Variants in SYCP2 observed in about 807,000 individuals in gnomAD.
The protein encoded by SYCP2 is synaptonemal complex protein 2.
SYCP2 carries 55 observed loss-of-function variants against 211.3 expected under a neutral mutation model. The ratio of observed to expected loss-of-function variants is 0.26; its 90% CI spans 0.21 to 0.33. The LOEUF is 0.33. Ranked by LOEUF, SYCP2 falls within the 10% of genes least tolerant of loss-of-function variation. The pLI is 1.00. For missense variants in SYCP2, 1,731 were observed against 1,752.0 expected (o/e 0.99, Z 0.21); for synonymous variants, 570 against 555.2 (o/e 1.03, Z -0.37).
intron 2 of SYCP2, among the ~76,000 whole-genome samples, chr20:59,928,277 T>C (rs534767161): frequency 6.6e-6 from 1 of 152,244 alleles, no homozygotes; most frequent in Admixed American, 6.5e-5. Flanking sequence ...TTTTTTAATA[T>C]AAATAACTAA....
Position 59,896,474 on chromosome 20 carries a change from C to T in SYCP2, c.1459G>A (p.Ala487Thr). ...GGACTTCTCATAGTGTATCTATCTG[C>T]ACCAGAAACAATCATTGATGCTTCA... The part of the protein sequence containing the change: ...MSEASMIVSG[A>T]DRYTMRSPVL... The change falls in exon 19 of 45, where the codon GCA becomes ACA. Residue 487 changes from alanine to threonine, a missense_variant. Physicochemically the swap from Ala to Thr is moderately conservative, Grantham distance 58. Transcript: ENST00000357552. 2 of 1,610,662 alleles carry T rather than the reference C, an allele frequency of 1.2e-6. No homozygotes were observed. The highest frequency in any genetic ancestry group is 8.5e-7 in the Non-Finnish European group (1 of 1,177,900).
chr20:59,865,639 C>T lies in SYCP2; in HGVS notation c.4392G>A (p.Leu1464=), dbSNP rs754297639. Residue 1464 remains leucine (L), a synonymous_variant, in exon 43 of 45, where the codon TTG becomes TTA. Transcript: ENST00000357552. The part of the protein sequence containing the change: ...QKSEQQRLHL[L]KTSLAKSVFC... ...AGACACTTTTAGCCAATGAAGTTTT[C>T]AAAAGATGAAGCCTAAGAAGTAAAA... 5.6e-6 allele frequency: 9 copies of T among 1,597,238 alleles called. 1 individual carries two copies. The highest frequency in any genetic ancestry group is 5.1e-6 in the Non-Finnish European group (6 of 1,173,582).
chr20:59,888,459 A>T (rs1485091793), intron 24 of SYCP2, among the ~76,000 whole-genome samples: 1 of 152,048 alleles, frequency 6.6e-6, no homozygotes, highest in Non-Finnish European at 1.5e-5. Flanking sequence ...GATTCACGAT[A>T]AAAAACCCTT....
At chr20:59,926,241 G>T (rs957265452) in intron 2 of SYCP2, among the ~76,000 whole-genome samples, 1 of 151,990 alleles carries the variant, frequency 6.6e-6, no homozygotes, top group Non-Finnish European at 1.5e-5. Flanking sequence ...TAATTTCCTA[G>T]GGTTGCCTTA....
rs186664081 is a variant in SYCP2, at chr20:59,929,668, A to G, written c.-47+2394T>C. Among the ~76,000 whole-genome samples, 62 of 151,322 alleles carry G rather than the reference A, an allele frequency of 4.1e-4. 1 individual carries two copies. The highest frequency in any genetic ancestry group is 2.5e-3 in the South Asian group (12 of 4,806). Reference sequence around the variant, plus strand: ...TAGAAATTCTTTATGTAAAATCTAAAGTATACTTAATAAAGGCTTATATGC... The same window carrying G: ...TAGAAATTCTTTATGTAAAATCTAAGGTATACTTAATAAAGGCTTATATGC... On this transcript the variant is annotated intron_variant, in intron 2 of 44. Transcript: ENST00000357552.
chr20:59,930,019 C>A (rs867147481), intron 2 of SYCP2, among the ~76,000 whole-genome samples: 3 of 152,062 alleles, frequency 2.0e-5, no homozygotes, highest in Non-Finnish European at 4.4e-5. Context: ...CCCTGCTATG[C>A]GCTCTATATA....
At chr20:59,876,416 A>T (rs552594941) in intron 33 of SYCP2, among the ~76,000 whole-genome samples, 5 of 142,772 alleles carry the variant, frequency 3.5e-5, no homozygotes, top group South Asian at 2.3e-4. Context: ...AAAAAAGAAG[A>T]AGTGATAGAA....
Position 59,868,581 on chromosome 20 carries a change from T to G in SYCP2, c.3833-13A>C. ...TGTTGGGTGGGGCCTTAGGAACAGT[T>G]AAAGAAAGTTAAAAGCGCTGCAATT... On this transcript the variant is annotated splice_polypyrimidine_tract_variant and intron_variant, in intron 37 of 44. Transcript: ENST00000357552. The G allele has an allele frequency of 6.4e-7, 1 of 1,565,134 alleles. No homozygotes were observed. The highest frequency in any genetic ancestry group is 8.6e-7 in the Non-Finnish European group (1 of 1,165,250).
chr20:59,866,652 A>G, intron 39 of SYCP2, 63 bp from the exon 40 acceptor site: 1 of 1,055,162 alleles, frequency 9.5e-7, no homozygotes, highest in Non-Finnish European at 1.4e-6. Flanking sequence ...CCAAGACTAC[A>G]GTAACAGCAA....
In SYCP2 at chr20:59,882,116, T is replaced by C. The variant is rs967265727; in HGVS notation, c.2579A>G (p.Asn860Ser). 40 of 1,612,948 alleles carry C rather than the reference T, an allele frequency of 2.5e-5. No individual in the cohort carries two copies. Among genetic ancestry groups the C allele is most frequent in the Non-Finnish European group, 3.1e-5 (37 of 1,179,492 alleles). Reference sequence around the variant, plus strand: ...TTACACTGGGCATTCAGAAGTAACATTAACAAAGGTAGTCTTCAGTTTTCT... The same window carrying C: ...TTACACTGGGCATTCAGAAGTAACACTAACAAAGGTAGTCTTCAGTTTTCT... ...SYRKLKTTFV[N>S]VTSECPVNDV... The change falls in exon 27 of 45, where the codon AAT becomes AGT. Residue 860 changes from asparagine (N) to serine (S), a missense_variant. Physicochemically the swap from Asn to Ser is conservative, Grantham distance 46. Transcript: ENST00000357552.
chr20:59,912,712 G>T (rs372267546), intron 12 of SYCP2, among the ~76,000 whole-genome samples: 1 of 152,086 alleles, frequency 6.6e-6, no homozygotes, highest in Non-Finnish European at 1.5e-5. Flanking sequence ...CCCAAATCTC[G>T]TCTTGAATGG....
chr20:59,880,879 TTTG>T (rs1600841619), intron 30 of SYCP2, 84 bp downstream of exon 30: 2 of 659,934 alleles, frequency 3.0e-6, no homozygotes, highest in Non-Finnish European at 4.9e-6. Context: ...TCAAAATGTT[TTTG>T]TTTTCTTGTT....
In SYCP2 at chr20:59,881,481, A is replaced by G; in HGVS notation, c.2670T>C (p.Phe890=). Residue 890 remains phenylalanine (F), a synonymous_variant, in exon 29 of 45, where the codon TTT becomes TTC. Transcript: ENST00000357552. ...DPIIKLGIQE[F]QATAKEACAD... is the part of the protein sequence containing the mutation. ...CACAAGCTTCTTTAGCTGTAGCTTG[A>G]AACTCTTGGATCTATATTGTAAATA... is the stretch of plus-strand genomic sequence containing the variant. 2.0e-6 allele frequency: 3 copies of G among 1,529,706 alleles called. No individual in the cohort carries two copies. Among genetic ancestry groups the G allele is most frequent in the Non-Finnish European group, 2.7e-6 (3 of 1,128,764 alleles). 94.8% of individuals were successfully genotyped at this position (1,529,706 alleles called of 1,614,324 possible).
At chr20:59,914,912 T>C (rs930079126) in intron 10 of SYCP2, among the ~76,000 whole-genome samples, 3 of 151,992 alleles carry the variant, frequency 2.0e-5, no homozygotes, top group African/African-American at 4.8e-5. Context: ...AATTAAGCTA[T>C]TAATTTAAGC....
intron 35 of SYCP2, among the ~76,000 whole-genome samples, chr20:59,873,443 C>T (rs767152895): frequency 6.6e-6 from 1 of 152,126 alleles, no homozygotes; most frequent in Non-Finnish European, 1.5e-5. Context: ...TGATTCACGT[C>T]CCAGGAGGGA....
chr20:59,918,464 T>G (rs960332575), intron 7 of SYCP2, among the ~76,000 whole-genome samples: 2 of 152,216 alleles, frequency 1.3e-5, no homozygotes, highest in Non-Finnish European at 2.9e-5. Context: ...GCAGTGTTTT[T>G]GGGCTTTGTT....
Position 59,877,564 on chromosome 20 carries a change from GA to G in SYCP2, c.2980-10del. ...ATATTTTTACTGGGTGTCTTTAGGA[GA>G]AAAATTCCTGAATATTAGATCAATA... On this transcript the variant is annotated splice_polypyrimidine_tract_variant and intron_variant, in intron 32 of 44. Transcript: ENST00000357552. The G allele has an allele frequency of 6.3e-7, 1 of 1,576,388 alleles. No individual in the cohort carries two copies. The highest frequency in any genetic ancestry group is 8.5e-7 in the Non-Finnish European group (1 of 1,170,012).
At chr20:59,901,592 A>C in intron 16 of SYCP2, 70 bp downstream of exon 16, 1 of 995,962 alleles carries the variant, frequency 1.0e-6, no homozygotes, top group Non-Finnish European at 1.4e-6. Flanking sequence ...AAAACGCAAT[A>C]AAACTTATAA....
intron 22 of SYCP2, 37 bp from the exon 23 acceptor site, chr20:59,892,738 A>G (rs147543638): frequency 6.3e-7 from 1 of 1,578,208 alleles, no homozygotes; most frequent in Non-Finnish European, 8.6e-7. Context: ...GTTACAAAAC[A>G]TTAGCCTGTG....
Sources: gnomAD v4.1 joint callset for allele counts (sites outside exome capture counted in the v4.1 genomes callset) on GRCh38, gnomAD v4.1.1 for gene constraint, MANE v1.5 for transcripts, NCBI Gene and HGNC (gene_info 2026-07-23, HGNC 2026-07-21) for gene names.